The following CTNNA3 variants were observed in gnomAD, a reference collection of about 807,000 sequenced individuals.
The protein encoded by CTNNA3 is catenin alpha-3.
CTNNA3 carries 76 observed loss-of-function variants against 95.7 expected under a neutral mutation model. That is an observed-to-expected ratio of 0.79 (90% CI 0.66 to 0.96). The LOEUF is 0.96. CTNNA3 is among the 40% of genes least tolerant of loss of function. CTNNA3 has a pLI of 0.00. For missense variants in CTNNA3, 1,191 were observed against 1,089.8 expected (o/e 1.09, Z -1.31); for synonymous variants, 431 against 374.4 (o/e 1.15, Z -1.74).
At chr10:66,748,534 C>G (rs1838980524) in intron 9 of CTNNA3, among the ~76,000 whole-genome samples, 1 of 152,080 alleles carries the variant, frequency 6.6e-6, no homozygotes, top group Non-Finnish European at 1.5e-5. Context: ...TATTATTTAA[C>G]TGTTGATCAG....
intron 13 of CTNNA3, among the ~76,000 whole-genome samples, chr10:66,245,230 C>G (rs1728174394): frequency 6.6e-6 from 1 of 152,142 alleles, no homozygotes; most frequent in Non-Finnish European, 1.5e-5. Flanking sequence ...ATAGTTGAAC[C>G]AGGCACACTG....
At chr10:67,212,437 G>A (rs538142298) in intron 6 of CTNNA3, among the ~76,000 whole-genome samples, 2 of 151,840 alleles carry the variant, frequency 1.3e-5, no homozygotes, top group African/African-American at 4.8e-5. Flanking sequence ...ATTCTTATAC[G>A]GCTTGCTCTT....
chr10:67,425,412 A>G (rs1437337052), intron 5 of CTNNA3, among the ~76,000 whole-genome samples: 3 of 152,098 alleles, frequency 2.0e-5, no homozygotes, highest in South Asian at 4.1e-4. Flanking sequence ...GAAAGTTTCA[A>G]AAAGAGATGG....
At chr10:66,559,778 C>T (rs1313239217) in intron 10 of CTNNA3, among the ~76,000 whole-genome samples, 1 of 151,920 alleles carries the variant, frequency 6.6e-6, no homozygotes, top group East Asian at 1.9e-4. Context: ...CCTCTTCTAC[C>T]CTCTTGACCA....
chr10:66,605,407 C>A (rs1254559497), intron 10 of CTNNA3, among the ~76,000 whole-genome samples: 1 of 152,140 alleles, frequency 6.6e-6, no homozygotes, highest in Non-Finnish European at 1.5e-5. Flanking sequence ...TCCATGAGAA[C>A]TTCTCCAACC....
At chr10:67,756,233 A>G (rs1456839058) in intron 1 of CTNNA3, among the ~76,000 whole-genome samples, 3 of 152,218 alleles carry the variant, frequency 2.0e-5, no homozygotes, top group Non-Finnish European at 4.4e-5. Flanking sequence ...ATAGTTTAAT[A>G]GAAGAACTAA....
chr10:67,088,874 C>T (rs1426057224), intron 7 of CTNNA3, among the ~76,000 whole-genome samples: 1 of 151,868 alleles, frequency 6.6e-6, no homozygotes, highest in Non-Finnish European at 1.5e-5. Flanking sequence ...GTTCTACATC[C>T]ATAAACTCAA....
chr10:66,578,699 T>G (rs1226472360), intron 10 of CTNNA3, among the ~76,000 whole-genome samples: 1 of 151,926 alleles, frequency 6.6e-6, no homozygotes, highest in African/African-American at 2.4e-5. Flanking sequence ...CTTTTTGATG[T>G]GCTGTTAGAT....
intron 1 of CTNNA3, among the ~76,000 whole-genome samples, chr10:67,710,518 A>G (rs1781345226): frequency 6.6e-6 from 1 of 152,170 alleles, no homozygotes; most frequent in Non-Finnish European, 1.5e-5. Flanking sequence ...GAAGCTCCAC[A>G]GTTTTGGGGG....
intron 12 of CTNNA3, among the ~76,000 whole-genome samples, chr10:66,315,334 T>C (rs2092085992): frequency 6.6e-6 from 1 of 152,084 alleles, no homozygotes; most frequent in African/African-American, 2.4e-5. Flanking sequence ...GGACCAGAGA[T>C]GTAAGACAGA....
intron 7 of CTNNA3, among the ~76,000 whole-genome samples, chr10:66,996,286 A>G (rs938336594): frequency 1.3e-4 from 20 of 152,332 alleles, no homozygotes; most frequent in African/African-American, 4.1e-4. Context: ...CTAACTTAGT[A>G]GCTGTGCAAC....
intron 13 of CTNNA3, among the ~76,000 whole-genome samples, chr10:66,159,626 G>GTTTTTTTTTTTTTTTTTTTTT (rs34684370): frequency 8.7e-6 from 1 of 114,936 alleles, no homozygotes. Context: ...TTTGTTTTCT[G>GTTTTTTTTTTTTTTTTTTTTT]TTTTTTTTTT....
At chr10:67,740,768 A>C (rs1436178626) in intron 1 of CTNNA3, among the ~76,000 whole-genome samples, 2 of 151,424 alleles carry the variant, frequency 1.3e-5, no homozygotes, top group Admixed American at 1.3e-4. Context: ...TCAGGGATCT[A>C]GAACTACAAA....
chr10:66,421,914 A>ATATATATATATATG (rs1267702553), intron 11 of CTNNA3, among the ~76,000 whole-genome samples: 1 of 146,256 alleles, frequency 6.8e-6, no homozygotes, highest in African/African-American at 2.5e-5. Flanking sequence ...ATATATATAT[A>ATATATATATATATG]TACACACACA....
At chr10:66,940,164 G>A (rs984798424) in intron 7 of CTNNA3, among the ~76,000 whole-genome samples, 3 of 152,064 alleles carry the variant, frequency 2.0e-5, no homozygotes, top group South Asian at 2.1e-4. Flanking sequence ...GATGGAAAAC[G>A]TTGTTCTGAA....
At chr10:66,989,529 G>T (rs2132927116) in intron 7 of CTNNA3, among the ~76,000 whole-genome samples, 1 of 152,226 alleles carries the variant, frequency 6.6e-6, no homozygotes, top group South Asian at 2.1e-4. Flanking sequence ...TTGGTCATGT[G>T]GGATTAGCCT....
intron 11 of CTNNA3, among the ~76,000 whole-genome samples, chr10:66,468,018 T>C (rs1413133800): frequency 1.3e-5 from 2 of 152,048 alleles, no homozygotes; most frequent in Non-Finnish European, 2.9e-5. Context: ...ATAAAACTTA[T>C]TTGTTACTAG....
intron 7 of CTNNA3, among the ~76,000 whole-genome samples, chr10:67,060,570 T>C (rs568632265): frequency 1.3e-5 from 2 of 152,344 alleles, no homozygotes; most frequent in Admixed American, 6.5e-5. Context: ...TTCTAGTTCA[T>C]GGGCACTAGT....
At chr10:66,367,531 T>C (rs2092718653) in intron 12 of CTNNA3, among the ~76,000 whole-genome samples, 2 of 149,764 alleles carry the variant, frequency 1.3e-5, no homozygotes, top group Admixed American at 6.7e-5. Flanking sequence ...CATATGTACA[T>C]ATCTTTAATA....
Sources: allele counts gnomAD v4.1 joint callset (sites outside exome capture counted in the v4.1 genomes callset), GRCh38; gene constraint gnomAD v4.1.1; transcripts MANE v1.5; gene names NCBI Gene and HGNC (gene_info 2026-07-23, HGNC 2026-07-21).